CNTNAP2: variants seen among roughly 807,000 people sequenced by gnomAD.
CNTNAP2 encodes contactin-associated protein-like 2.
In CNTNAP2, 98 loss-of-function variants were observed where a neutral mutation model predicts 155.2. The ratio of observed to expected loss-of-function variants is 0.63; its 90% confidence interval spans 0.54 to 0.75. CNTNAP2 has a LOEUF of 0.75. Ranked by LOEUF, CNTNAP2 falls within the 30% of genes least tolerant of loss-of-function variation. The probability of loss-of-function intolerance (pLI) is 0.00; values close to 1 mark genes in which losing one functional copy is unlikely to be tolerated. For missense variants in CNTNAP2, 1,727 were observed against 1,688.1 expected (o/e 1.02, Z -0.40); for synonymous variants, 651 against 631.2 (o/e 1.03, Z -0.47).
chr7:148,136,647 C>T (rs975085461), intron 16 of CNTNAP2, among the ~76,000 whole-genome samples: 2 of 152,124 alleles, frequency 1.3e-5, no homozygotes, highest in Non-Finnish European at 2.9e-5. Flanking sequence ...ACCCTATCCC[C>T]AAAGCTGTTT....
Position 147,794,164 on chromosome 7 carries a change from C to T in CNTNAP2, c.2099-109401C>T, listed in dbSNP as rs540443145. ...TTAATTTATTTTTCTTGCCTAATTG[C>T]CATGACTAGAACCTCCTATAAAATT... On this transcript the variant is annotated intron_variant, in intron 13 of 23. Coordinates refer to ENST00000361727, the MANE Select transcript of CNTNAP2 (RefSeq NM_014141.6). Among the ~76,000 whole-genome samples the T allele has an allele frequency of 2.0e-5, 3 of 151,966 alleles. No homozygotes were observed. The South Asian group carries it at 6.2e-4, about 32-fold the overall frequency.
intron 1 of CNTNAP2, among the ~76,000 whole-genome samples, chr7:146,336,520 GA>G (rs923513678): frequency 6.6e-6 from 1 of 150,704 alleles, no homozygotes; most frequent in Non-Finnish European, 1.5e-5. Flanking sequence ...ACATGATACC[GA>G]AAGCATAATC....
chr7:146,884,520 G>A (rs898331415), intron 3 of CNTNAP2, among the ~76,000 whole-genome samples: 3 of 152,134 alleles, frequency 2.0e-5, no homozygotes, highest in Non-Finnish European at 4.4e-5. Flanking sequence ...TACTCAGTAT[G>A]TATTGAGTAT....
At chr7:147,115,940 T>C (rs531654567) in intron 5 of CNTNAP2, among the ~76,000 whole-genome samples, 172 of 152,330 alleles carry the variant, frequency 1.1e-3, no homozygotes, top group African/African-American at 3.8e-3. Context: ...TTCTCATCTT[T>C]GGTGTCTTAT....
intron 1 of CNTNAP2, among the ~76,000 whole-genome samples, chr7:146,664,882 C>G (rs745884140): frequency 6.6e-6 from 1 of 152,018 alleles, no homozygotes; most frequent in East Asian, 1.9e-4. Context: ...TTGCATGTGT[C>G]GACTTCATCC....
chr7:148,331,782 A>G (rs5017155), intron 21 of CNTNAP2, among the ~76,000 whole-genome samples: 9,168 of 13,646 alleles, frequency 0.67, 3,562 homozygotes, highest in Middle Eastern at 0.77. Context: ...TGGAATGGAC[A>G]GATGGAGTGG....
intron 5 of CNTNAP2, among the ~76,000 whole-genome samples, chr7:147,112,405 G>A (rs1436648825): frequency 6.6e-6 from 1 of 152,068 alleles, no homozygotes; most frequent in Non-Finnish European, 1.5e-5. Context: ...AGCCAATACT[G>A]TGTTGAATAG....
chr7:146,302,959 C>T (rs1264401076), intron 1 of CNTNAP2, among the ~76,000 whole-genome samples: 3 of 152,076 alleles, frequency 2.0e-5, no homozygotes, highest in Non-Finnish European at 4.4e-5. Flanking sequence ...ATAGCAGACA[C>T]AGCTTTTGGC....
At chr7:147,007,447 C>A (rs566640664) in intron 3 of CNTNAP2, among the ~76,000 whole-genome samples, 1 of 152,030 alleles carries the variant, frequency 6.6e-6, no homozygotes, top group South Asian at 2.1e-4. Flanking sequence ...TTTCTTCATA[C>A]AAATAAATGC....
intron 1 of CNTNAP2, among the ~76,000 whole-genome samples, chr7:146,508,043 C>T (rs1246172454): frequency 6.6e-6 from 1 of 152,170 alleles, no homozygotes; most frequent in Non-Finnish European, 1.5e-5. Flanking sequence ...GGGGGTGTTA[C>T]TTTATTTAGT....
At chr7:147,157,498 G>T (rs1801949242) in intron 8 of CNTNAP2, among the ~76,000 whole-genome samples, 1 of 152,018 alleles carries the variant, frequency 6.6e-6, no homozygotes, top group African/African-American at 2.4e-5. Context: ...CATCCACCAG[G>T]GTTGAGGTGC....
At chr7:146,862,975 A>G (rs1795133873) in intron 3 of CNTNAP2, among the ~76,000 whole-genome samples, 1 of 152,174 alleles carries the variant, frequency 6.6e-6, no homozygotes, top group Non-Finnish European at 1.5e-5. Flanking sequence ...ATTTCCACTT[A>G]ATGGCAATTG....
At chr7:146,772,502 C>CA (rs71165037) in intron 1 of CNTNAP2, among the ~76,000 whole-genome samples, 12,286 of 96,154 alleles carry the variant, frequency 0.13, 1,107 homozygotes, top group African/African-American at 0.25. Flanking sequence ...ACTGAAAATA[C>CA]AAAAAAAAAA....
chr7:147,746,219 TG>T (rs1797040775), intron 13 of CNTNAP2, among the ~76,000 whole-genome samples: 1 of 152,194 alleles, frequency 6.6e-6, no homozygotes, highest in Non-Finnish European at 1.5e-5. Context: ...GATCTGAAAT[TG>T]TTAGAAAAAC....
At chr7:147,220,789 T>A (rs1803379460) in intron 8 of CNTNAP2, among the ~76,000 whole-genome samples, 1 of 152,076 alleles carries the variant, frequency 6.6e-6, no homozygotes, top group African/African-American at 2.4e-5. Context: ...ATCTCGGCTC[T>A]CTCAACCTCC....
chr7:147,689,897 A>ATTTCAGCAATATTTTCCT (rs1796064431), intron 13 of CNTNAP2, among the ~76,000 whole-genome samples: 1 of 152,118 alleles, frequency 6.6e-6, no homozygotes, highest in Admixed American at 6.6e-5. Context: ...CATCCCTTTT[A>ATTTCAGCAATATTTTCCT]TTTCAGCAAT....
intron 15 of CNTNAP2, among the ~76,000 whole-genome samples, chr7:148,027,883 T>G (rs1375065914): frequency 6.6e-6 from 1 of 152,174 alleles, no homozygotes. Flanking sequence ...CTGAAACTCT[T>G]GACTTTGATG....
At chr7:147,531,570 C>A (rs912522033) in intron 11 of CNTNAP2, among the ~76,000 whole-genome samples, 48 of 152,186 alleles carry the variant, frequency 3.2e-4, no homozygotes, top group African/African-American at 9.9e-4. Flanking sequence ...GAGGCTGGTA[C>A]ACAGGACACC....
At position 148,301,306 on chromosome 7, in the gene CNTNAP2, A is replaced by ATATATATAT. The variant is rs1554414674; in HGVS notation, c.3475+34180_3475+34181insTATATATAT. ...GAGACTCCGTCTAAAAAAAAAAAAA[A>ATATATATAT]ATATATATATATATATAGGTTAAAA... On this transcript the variant is annotated intron_variant, in intron 21 of 23. Coordinates refer to ENST00000361727, the MANE Select transcript of CNTNAP2 (RefSeq NM_014141.6). Among the ~76,000 whole-genome samples the ATATATATAT allele has an allele frequency of 1.6e-3, 165 of 103,844 alleles. 1 individual carries two copies. Among genetic ancestry groups the ATATATATAT allele is most frequent in the African/African-American group, 5.2e-3 (137 of 26,566 alleles). The allele number at this position is 103,844 out of a possible 152,430, so 68.1% of individuals were successfully genotyped here.
Sources: allele counts gnomAD v4.1 joint callset (sites outside exome capture counted in the v4.1 genomes callset), GRCh38; gene constraint gnomAD v4.1.1; transcripts MANE v1.5; gene names NCBI Gene and HGNC (gene_info 2026-07-23, HGNC 2026-07-21).